The following ZNF804A variants were observed in gnomAD, a reference collection of about 807,000 sequenced individuals.
The protein encoded by ZNF804A is zinc finger protein 804A.
In ZNF804A, 2 loss-of-function variants were observed where a neutral mutation model predicts 16.5. The observed-to-expected ratio is 0.12, with a 90% CI of 0.05 to 0.38. The LOEUF (loss-of-function observed/expected upper bound fraction) is 0.38, where lower values mean the gene tolerates loss of function less well. Ranked by LOEUF, ZNF804A falls within the 10% of genes least tolerant of loss-of-function variation. The pLI, the probability that ZNF804A is intolerant of heterozygous loss-of-function variation, is 0.99. For missense variants in ZNF804A, 1,473 were observed against 1,390.7 expected (o/e 1.06, Z -0.94); for synonymous variants, 534 against 489.6 (o/e 1.09, Z -1.20).
chr2:184,608,170 C>A (rs1177821338), intron 1 of ZNF804A, among the ~76,000 whole-genome samples: 5 of 151,732 alleles, frequency 3.3e-5, no homozygotes, highest in African/African-American at 9.7e-5. Context: ...TGGTCTCGAT[C>A]TCCTGACCTC....
intron 1 of ZNF804A, among the ~76,000 whole-genome samples, chr2:184,819,256 C>A (rs933732782): frequency 2.6e-5 from 4 of 151,794 alleles, no homozygotes; most frequent in African/African-American, 9.7e-5. Flanking sequence ...CAACTCAAGA[C>A]TAAGAAATTT....
intron 2 of ZNF804A, among the ~76,000 whole-genome samples, chr2:184,877,314 G>C (rs1397216025): frequency 3.3e-5 from 5 of 151,862 alleles, no homozygotes; most frequent in Admixed American, 3.3e-4. Context: ...TTATTTTAAA[G>C]AAATTGAGAC....
chr2:184,619,642 C>T (rs998021158), intron 1 of ZNF804A, among the ~76,000 whole-genome samples: 1 of 151,898 alleles, frequency 6.6e-6, no homozygotes, highest in Non-Finnish European at 1.5e-5. Flanking sequence ...CAGGTGGGTA[C>T]AGTTATTACC....
chr2:184,816,054 C>T (rs1407177171), intron 1 of ZNF804A, among the ~76,000 whole-genome samples: 1 of 152,050 alleles, frequency 6.6e-6, no homozygotes, highest in Non-Finnish European at 1.5e-5. Flanking sequence ...GAGCCAGGAA[C>T]ATAACATCTT....
chr2:184,867,959 G>A (rs1331421763), intron 2 of ZNF804A, among the ~76,000 whole-genome samples: 1 of 152,048 alleles, frequency 6.6e-6, no homozygotes, highest in Non-Finnish European at 1.5e-5. Flanking sequence ...ATTTGCAAAA[G>A]AATGCTTCAT....
At chr2:184,758,740 T>C (rs1344609908) in intron 1 of ZNF804A, among the ~76,000 whole-genome samples, 1 of 152,004 alleles carries the variant, frequency 6.6e-6, no homozygotes, top group Non-Finnish European at 1.5e-5. Flanking sequence ...CACAATATGA[T>C]TAACATAATG....
At chr2:184,601,573 T>C (rs1322666860) in intron 1 of ZNF804A, among the ~76,000 whole-genome samples, 1 of 151,948 alleles carries the variant, frequency 6.6e-6, no homozygotes, top group Non-Finnish European at 1.5e-5. Context: ...CAGATAAACT[T>C]GTGTTTATCG....
chr2:184,828,494 T>G (rs1055305676), intron 1 of ZNF804A, among the ~76,000 whole-genome samples: 1 of 151,804 alleles, frequency 6.6e-6, no homozygotes, highest in African/African-American at 2.4e-5. Flanking sequence ...TTATTTTCCT[T>G]CATTAAAATT....
At position 184,937,720 on chromosome 2, in the gene ZNF804A, A is replaced by G; in HGVS notation, c.2324A>G (p.His775Arg). 6.2e-7 allele frequency: 1 copy of G among 1,614,050 alleles called. No individual in the cohort carries two copies. The highest frequency in any genetic ancestry group is 8.5e-7 in the Non-Finnish European group (1 of 1,179,974). Reference protein sequence around the residue: ...SERFYRKRRQHSHSYSSDESL... With the variant: ...SERFYRKRRQRSHSYSSDESL... ...AGATTCTATCGAAAACGTAGACAACATTCACATTCTTATTCTTCAGATGAA... is the reference window on the plus strand; with the variant it reads ...AGATTCTATCGAAAACGTAGACAACGTTCACATTCTTATTCTTCAGATGAA... The change falls in exon 4 of 4, where the codon CAT (histidine) becomes CGT (arginine). Residue 775 changes from histidine to arginine, a missense_variant. Physicochemically the swap from His to Arg is conservative, Grantham distance 29. Transcript: ENST00000302277.
intron 1 of ZNF804A, among the ~76,000 whole-genome samples, chr2:184,802,210 C>T (rs901875320): frequency 6.6e-6 from 1 of 152,170 alleles, no homozygotes. Context: ...AGTTTTGCTT[C>T]ACCTTCTCCT....
chr2:184,837,995 C>G (rs1211744662), intron 1 of ZNF804A, among the ~76,000 whole-genome samples: 1 of 151,990 alleles, frequency 6.6e-6, no homozygotes. Flanking sequence ...TCAGAGGAGC[C>G]CCAGCAGCAG....
chr2:184,756,887 A>G lies in ZNF804A; in HGVS notation c.112-109482A>G, dbSNP rs116707239. ...ATAACTGATATGTTGAACACACCAGAGACAACTGGGAAAATGAGCAGTTTA... is the reference window on the plus strand; with the variant it reads ...ATAACTGATATGTTGAACACACCAGGGACAACTGGGAAAATGAGCAGTTTA... On this transcript the variant is annotated intron_variant, in intron 1 of 3. Coordinates refer to ENST00000302277, the MANE Select transcript of ZNF804A (RefSeq NM_194250.2). Among the ~76,000 whole-genome samples the G allele has an allele frequency of 9.1e-3, 1,379 of 152,202 alleles. 22 individuals carry two copies. Among genetic ancestry groups the G allele is most frequent in the African/African-American group, 0.032 (1,318 of 41,568 alleles).
rs1372728592 is a variant in ZNF804A at position 184,598,752 on chromosome 2, G to C, written c.-208G>C. 17 of 364,958 alleles carry C rather than the reference G, an allele frequency of 4.7e-5. No individual in the cohort carries two copies. The East Asian group carries it at 4.8e-4, about 10-fold the overall frequency. 22.6% of individuals were successfully genotyped at this position (364,958 alleles called of 1,614,324 possible). A position where few individuals can be genotyped will look rare whatever the true frequency, so the allele number is the denominator to read the frequency against. ...AGAAACAGGAGCGAGAGACTGAGGG[G>C]AGAGCGCGGCGAGCATGCGGAGGCG... is the stretch of plus-strand genomic sequence containing the variant. On this transcript the variant is annotated 5_prime_UTR_variant, in exon 1 of 4. Coordinates refer to ENST00000302277, the MANE Select transcript of ZNF804A (RefSeq NM_194250.2).
At chr2:184,700,621 A>T (rs1434426152) in intron 1 of ZNF804A, among the ~76,000 whole-genome samples, 2 of 152,098 alleles carry the variant, frequency 1.3e-5, no homozygotes, top group African/African-American at 4.8e-5. Context: ...ACAACCTTGA[A>T]TGACAAAGAC....
intron 1 of ZNF804A, among the ~76,000 whole-genome samples, chr2:184,607,574 C>T (rs1691169646): frequency 6.6e-6 from 1 of 152,004 alleles, no homozygotes; most frequent in Admixed American, 6.6e-5. Context: ...CAATTTCCTC[C>T]CACCAGGTCC....
intron 1 of ZNF804A, among the ~76,000 whole-genome samples, chr2:184,696,974 T>C (rs1692842382): frequency 6.6e-6 from 1 of 151,998 alleles, no homozygotes; most frequent in Admixed American, 6.5e-5. Context: ...ATTAATATTT[T>C]TATATTTTAG....
chr2:184,866,621 G>A (rs974299422), intron 2 of ZNF804A, 109 bp downstream of exon 2: 1 of 957,968 alleles, frequency 1.0e-6, no homozygotes, highest in Non-Finnish European at 1.4e-6. Flanking sequence ...TTAATTTGCT[G>A]TACAGTTTTG....
chr2:184,782,427 G>A (rs1275848980), intron 1 of ZNF804A, among the ~76,000 whole-genome samples: 1 of 151,248 alleles, frequency 6.6e-6, no homozygotes, highest in Non-Finnish European at 1.5e-5. Context: ...AGAATATAAA[G>A]CAAGCAGAAA....
At chr2:184,639,681 A>C (rs1305142192) in intron 1 of ZNF804A, among the ~76,000 whole-genome samples, 1 of 152,152 alleles carries the variant, frequency 6.6e-6, no homozygotes. Flanking sequence ...TAAATTCATA[A>C]ATTTTTATTT....
Sources: allele counts gnomAD v4.1 joint callset (sites outside exome capture counted in the v4.1 genomes callset), GRCh38; gene constraint gnomAD v4.1.1; transcripts MANE v1.5; gene names NCBI Gene and HGNC (gene_info 2026-07-23, HGNC 2026-07-21).